Variants in RPTOR observed in about 807,000 individuals in gnomAD.
RPTOR encodes the protein regulatory associated protein of MTOR complex 1, also known as regulatory-associated protein of mTOR.
RPTOR carries 21 observed loss-of-function variants against 169.9 expected under a neutral mutation model. The observed-to-expected ratio is 0.12, with a 90% CI of 0.09 to 0.18. The LOEUF (loss-of-function observed/expected upper bound fraction) is 0.18. Among genes scored for constraint, RPTOR ranks in the 10% least tolerant of loss-of-function variants. RPTOR has a pLI of 1.00. For synonymous variants in RPTOR, 732 were observed against 753.2 expected (o/e 0.97, Z 0.46); for missense variants, 1,133 against 1,855.9 (o/e 0.61, Z 7.16).
intron 18 of RPTOR, among the ~76,000 whole-genome samples, chr17:80,892,208 G>A (rs1004780768): frequency 7.2e-5 from 11 of 152,080 alleles, no homozygotes; most frequent in African/African-American, 9.7e-5. Context: ...CATGTCAGGC[G>A]TGCTTTCTCA....
chr17:80,790,482 C>T lies in RPTOR; in HGVS notation c.831-968C>T, dbSNP rs188636045. On this transcript the variant is annotated intron_variant, in intron 6 of 33. Coordinates refer to ENST00000306801, the MANE Select transcript of RPTOR (RefSeq NM_020761.3). ...GTTGTCTTCCTGGTTCTGGATCTCT[C>T]AGTTCCTCTGTGTCTTTTTCTCCCA... Among the ~76,000 whole-genome samples the T allele has an allele frequency of 2.0e-3, 310 of 152,284 alleles. 4 individuals are homozygous for T. Among genetic ancestry groups the T allele is most frequent in the African/African-American group, 7.0e-3 (292 of 41,558 alleles).
intron 13 of RPTOR, among the ~76,000 whole-genome samples, chr17:80,874,761 C>A (rs112181455): frequency 6.6e-6 from 1 of 152,180 alleles, no homozygotes; most frequent in Admixed American, 6.5e-5. Flanking sequence ...CTCAGCACAG[C>A]CCTCCATCTG....
rs138978199 is a variant in RPTOR at position 80,846,986 on chromosome 17, C to T, written c.1314+412C>T. Among the ~76,000 whole-genome samples the T allele has an allele frequency of 4.3e-4, 66 of 152,380 alleles. 1 individual carries two copies. Among genetic ancestry groups the T allele is most frequent in the African/African-American group, 1.5e-3 (62 of 41,592 alleles). On this transcript the variant is annotated intron_variant, in intron 11 of 33. Transcript: ENST00000306801. The stretch of plus-strand genomic sequence containing the variant: ...AGGCTCTCGACACCACTGCCTCCTT[C>T]TCTTGGGAAGGACAGGAGATGGCAG...
chr17:80,962,884 C>T (rs763828316), intron 32 of RPTOR, 44 bp from the exon 33 acceptor site: 2 of 1,610,154 alleles, frequency 1.2e-6, no homozygotes, highest in Non-Finnish European at 8.5e-7. Context: ...CTTCCATCCT[C>T]AAAGAAGAGG....
chr17:80,849,159 A>G (rs2589151), intron 11 of RPTOR, among the ~76,000 whole-genome samples: 42,535 of 152,192 alleles, frequency 0.28, 8,413 homozygotes, highest in African/African-American at 0.57. Context: ...TTTCTCTTAA[A>G]AGCCTTTATT....
chr17:80,781,015 G>T (rs1188247246), intron 6 of RPTOR, among the ~76,000 whole-genome samples: 1 of 152,118 alleles, frequency 6.6e-6, no homozygotes, highest in East Asian at 1.9e-4. Flanking sequence ...GGGTTCTTAT[G>T]CCCAGCCACT....
chr17:80,867,962 G>C (rs2068012224), intron 13 of RPTOR, among the ~76,000 whole-genome samples: 2 of 152,066 alleles, frequency 1.3e-5, no homozygotes, highest in South Asian at 4.1e-4. Flanking sequence ...AAACAACTTT[G>C]AAAAAGAAAA....
chr17:80,650,796 T>G (rs1012119316), intron 3 of RPTOR, among the ~76,000 whole-genome samples: 1 of 151,932 alleles, frequency 6.6e-6, no homozygotes, highest in African/African-American at 2.4e-5. Context: ...TGCCCAGGAG[T>G]CTTGCTGCCT....
chr17:80,794,255 A>G (rs1468764474), intron 7 of RPTOR, among the ~76,000 whole-genome samples: 1 of 152,232 alleles, frequency 6.6e-6, no homozygotes, highest in Non-Finnish European at 1.5e-5. Context: ...TAAGGGGGAA[A>G]AGAAAATTAG....
At chr17:80,673,733 C>T (rs1035382983) in intron 3 of RPTOR, among the ~76,000 whole-genome samples, 1 of 152,186 alleles carries the variant, frequency 6.6e-6, no homozygotes, top group African/African-American at 2.4e-5. Context: ...GTCTTGACCC[C>T]ATTTGTTTGA....
At chr17:80,949,619 C>T in intron 28 of RPTOR, 72 bp downstream of exon 28, 1 of 1,271,636 alleles carries the variant, frequency 7.9e-7, no homozygotes, top group Non-Finnish European at 1.1e-6. Flanking sequence ...AATTCCAAGG[C>T]CCTTCTGGGG....
At chr17:80,549,862 T>A (rs906223622) in intron 1 of RPTOR, among the ~76,000 whole-genome samples, 1 of 152,252 alleles carries the variant, frequency 6.6e-6, no homozygotes, top group Non-Finnish European at 1.5e-5. Context: ...GTGGTGTCAT[T>A]GTCAGACACT....
At chr17:80,634,875 G>A (rs867971306) in intron 2 of RPTOR, among the ~76,000 whole-genome samples, 1 of 137,620 alleles carries the variant, frequency 7.3e-6, no homozygotes, top group Non-Finnish European at 1.6e-5. Context: ...TGTGCATACT[G>A]TGTGCATACT....
intron 1 of RPTOR, among the ~76,000 whole-genome samples, chr17:80,617,936 A>G (rs1254383046): frequency 1.3e-5 from 2 of 152,238 alleles, no homozygotes; most frequent in East Asian, 3.9e-4. Context: ...AGGATTCAGT[A>G]TGGAATTCCT....
intron 1 of RPTOR, among the ~76,000 whole-genome samples, chr17:80,601,428 G>A (rs551320988): frequency 2.0e-5 from 3 of 152,246 alleles, no homozygotes; most frequent in East Asian, 1.9e-4. Flanking sequence ...CGCAGGTTCC[G>A]TGCCAGGGAT....
At chr17:80,791,919 G>A (rs151044078) in intron 7 of RPTOR, among the ~76,000 whole-genome samples, 13 of 151,760 alleles carry the variant, frequency 8.6e-5, no homozygotes, top group Admixed American at 5.2e-4. Flanking sequence ...CCCCCCTGTC[G>A]CCATCCAGTT....
chr17:80,930,222 GC>G (rs2068864195), intron 24 of RPTOR, among the ~76,000 whole-genome samples: 1 of 134,804 alleles, frequency 7.4e-6, no homozygotes, highest in Admixed American at 7.3e-5. Context: ...CTCATCCTCA[GC>G]TCATCCCCAG....
rs559354393 is a variant in RPTOR, at chr17:80,820,210, C to A, written c.891-1991C>A. On this transcript the variant is annotated intron_variant, in intron 7 of 33. Transcript: ENST00000306801. This position sits in a 1 kb window ranked among gnomAD's most constrained non-coding sequence, Gnocchi z 4.1. ...CTCTGCATGGCTTTGGTAAGGAGGG[C>A]AGGCAGCGCTCGGTGACAGTCCTGC... Among the ~76,000 whole-genome samples, 2 of 152,304 alleles carry A rather than the reference C, an allele frequency of 1.3e-5. No homozygotes were observed. Among genetic ancestry groups the A allele is most frequent in the South Asian group, 4.1e-4 (2 of 4,826 alleles).
At chr17:80,576,681 G>T (rs923247656) in intron 1 of RPTOR, among the ~76,000 whole-genome samples, 1 of 152,174 alleles carries the variant, frequency 6.6e-6, no homozygotes, top group African/African-American at 2.4e-5. Context: ...CACTTCGTTA[G>T]TCTGAAAATA....
Sources: allele counts gnomAD v4.1 joint callset (sites outside exome capture counted in the v4.1 genomes callset), GRCh38; gene constraint gnomAD v4.1.1; non-coding constraint Gnocchi (gnomAD v3.1); transcripts MANE v1.5; gene names NCBI Gene and HGNC (gene_info 2026-07-23, HGNC 2026-07-21).